WDR70: variants seen among roughly 807,000 people sequenced by gnomAD.
WDR70 encodes the protein WD repeat domain 70, also known as WD repeat-containing protein 70.
WDR70 carries 53 observed loss-of-function variants against 88.6 expected under a neutral mutation model. The ratio of observed to expected loss-of-function variants is 0.60; its 90% CI spans 0.48 to 0.75. The LOEUF is 0.75. Among genes scored for constraint, WDR70 ranks in the 30% least tolerant of loss-of-function variants. The probability of loss-of-function intolerance (pLI) is 0.00; values close to 1 mark genes in which losing one functional copy is unlikely to be tolerated. For missense variants in WDR70, 610 were observed against 823.2 expected (o/e 0.74, Z 3.17); for synonymous variants, 280 against 270.0 (o/e 1.04, Z -0.36).
intron 10 of WDR70, among the ~76,000 whole-genome samples, chr5:37,665,870 C>T (rs1234968171): frequency 1.3e-5 from 2 of 152,202 alleles, no homozygotes; most frequent in Non-Finnish European, 2.9e-5. Flanking sequence ...CCAGCATCCT[C>T]TTTTCCCTGG....
chr5:37,698,251 C>T (rs572272667), intron 11 of WDR70, among the ~76,000 whole-genome samples: 2 of 152,182 alleles, frequency 1.3e-5, no homozygotes, highest in African/African-American at 4.8e-5. Context: ...TGTAAGTTTA[C>T]TTATCCACAT....
chr5:37,515,793 T>C (rs1581355083), intron 8 of WDR70, among the ~76,000 whole-genome samples: 1 of 152,246 alleles, frequency 6.6e-6, no homozygotes, highest in African/African-American at 2.4e-5. Flanking sequence ...TCTGACTTGC[T>C]GTATGAGACC....
intron 10 of WDR70, among the ~76,000 whole-genome samples, chr5:37,613,323 A>C (rs1264859294): frequency 6.6e-6 from 1 of 152,204 alleles, no homozygotes; most frequent in African/African-American, 2.4e-5. Context: ...CTCTTTTTAA[A>C]GCATAAACCC....
intron 5 of WDR70, among the ~76,000 whole-genome samples, chr5:37,398,980 A>G (rs1296426953): frequency 6.6e-6 from 1 of 151,980 alleles, no homozygotes; most frequent in Non-Finnish European, 1.5e-5. Context: ...TGACTCTACT[A>G]AGAAAATACA....
intron 9 of WDR70, among the ~76,000 whole-genome samples, chr5:37,534,499 C>CTTTTTT (rs369030841): frequency 3.6e-4 from 48 of 133,168 alleles, no homozygotes; most frequent in Middle Eastern, 3.8e-3. Flanking sequence ...ACAAATCAGG[C>CTTTTTT]TTTTTTTTTT....
At chr5:37,382,959 G>A (rs1386122198) in intron 3 of WDR70, among the ~76,000 whole-genome samples, 1 of 151,832 alleles carries the variant, frequency 6.6e-6, no homozygotes. Context: ...GTTGTGGTGA[G>A]CTGAGATCGC....
chr5:37,382,603 G>A (rs904266001), intron 3 of WDR70, among the ~76,000 whole-genome samples: 11 of 151,976 alleles, frequency 7.2e-5, no homozygotes, highest in African/African-American at 2.4e-4. Flanking sequence ...GTAGAGATGG[G>A]GTTTCACCAT....
intron 10 of WDR70, among the ~76,000 whole-genome samples, chr5:37,670,378 C>T (rs780952998): frequency 2.6e-5 from 4 of 152,060 alleles, no homozygotes; most frequent in Non-Finnish European, 5.9e-5. Flanking sequence ...ATGCTTTTCA[C>T]GATGGGAGGT....
intron 17 of WDR70, among the ~76,000 whole-genome samples, chr5:37,746,805 A>G (rs1307834328): frequency 6.6e-6 from 1 of 152,152 alleles, no homozygotes; most frequent in Non-Finnish European, 1.5e-5. Flanking sequence ...AAAGCCCACA[A>G]CCAGATGATT....
In WDR70 at chr5:37,704,991, T is replaced by C. The variant is rs550066145; in HGVS notation, c.1416+1904T>C. Among the ~76,000 whole-genome samples the C allele has an allele frequency of 1.8e-4, 27 of 152,244 alleles. No homozygotes were observed. In the East Asian group the frequency reaches 4.0e-3, roughly 23 times the overall value. On this transcript the variant is annotated intron_variant, in intron 13 of 17. Transcript: ENST00000265107. ...TTATATAAGATTTGGTGAGTCTGTG[T>C]AGATGAAGCCAGAAATTTATAATTT...
intron 8 of WDR70, chr5:37,505,719 G>A: frequency 8.7e-7 from 1 of 1,155,860 alleles, no homozygotes; most frequent in South Asian, 1.2e-5. Context: ...GTATAGTGGT[G>A]TCAGCATCTC....
chr5:37,580,668 C>T (rs1743192021), intron 9 of WDR70, among the ~76,000 whole-genome samples: 1 of 152,098 alleles, frequency 6.6e-6, no homozygotes. Context: ...CTCGGATTTC[C>T]TTTGAGAGAC....
chr5:37,647,973 G>A (rs578114017), intron 10 of WDR70, among the ~76,000 whole-genome samples: 1 of 152,248 alleles, frequency 6.6e-6, no homozygotes, highest in East Asian at 1.9e-4. Flanking sequence ...GAACAGCTTG[G>A]GGGAAACTAC....
At chr5:37,633,995 A>G (rs1057040146) in intron 10 of WDR70, among the ~76,000 whole-genome samples, 5 of 151,918 alleles carry the variant, frequency 3.3e-5, no homozygotes, top group African/African-American at 1.2e-4. Flanking sequence ...GTATTTTTCA[A>G]TATTTTAAAA....
intron 9 of WDR70, among the ~76,000 whole-genome samples, chr5:37,566,237 A>G (rs912302607): frequency 5.9e-5 from 9 of 152,158 alleles, no homozygotes; most frequent in Non-Finnish European, 1.2e-4. Context: ...GAAATTATGT[A>G]ATTAAATGCT....
intron 13 of WDR70, among the ~76,000 whole-genome samples, chr5:37,709,280 C>A (rs1747443785): frequency 6.6e-6 from 1 of 152,154 alleles, no homozygotes; most frequent in South Asian, 2.1e-4. Context: ...TAGGGAATAG[C>A]ATTTGCTTTG....
chr5:37,399,991 G>T (rs1462166032), intron 5 of WDR70, among the ~76,000 whole-genome samples: 1 of 152,070 alleles, frequency 6.6e-6, no homozygotes, highest in Non-Finnish European at 1.5e-5. Context: ...GGAGTGCAGT[G>T]GCATGATCTC....
At chr5:37,381,715 T>G in intron 3 of WDR70, 30 bp downstream of exon 3, 1 of 1,594,406 alleles carries the variant, frequency 6.3e-7, no homozygotes, top group Non-Finnish European at 8.6e-7. Context: ...GTTCTTTTAT[T>G]GGTTTAAGTA....
chr5:37,669,575 A>G (rs972289822), intron 10 of WDR70, among the ~76,000 whole-genome samples: 3 of 152,118 alleles, frequency 2.0e-5, no homozygotes, highest in African/African-American at 7.2e-5. Context: ...CTGTGTTGTC[A>G]GACCACTGCT....
Sources: gnomAD v4.1 joint callset for allele counts (sites outside exome capture counted in the v4.1 genomes callset) on GRCh38, gnomAD v4.1.1 for gene constraint, MANE v1.5 for transcripts, NCBI Gene and HGNC (gene_info 2026-07-23, HGNC 2026-07-21) for gene names.